Variants in PKP4 observed in about 807,000 individuals in gnomAD.
PKP4 encodes the protein plakophilin 4.
A neutral mutation model predicts 145.1 loss-of-function variants in PKP4; 90 were observed. The ratio of observed to expected loss-of-function variants is 0.62; its 90% CI spans 0.52 to 0.74. The LOEUF is 0.74. Ranked by LOEUF, PKP4 falls within the 30% of genes least tolerant of loss-of-function variation. The pLI is 0.00. For missense variants in PKP4, 1,340 were observed against 1,482.7 expected (o/e 0.90, Z 1.58); for synonymous variants, 563 against 577.2 (o/e 0.98, Z 0.35).
intron 2 of PKP4, among the ~76,000 whole-genome samples, chr2:158,564,240 C>T (rs1225281864): frequency 6.6e-6 from 1 of 151,976 alleles, no homozygotes; most frequent in Non-Finnish European, 1.5e-5. Context: ...TCAAACAAAC[C>T]TATGTAGGCT....
chr2:158,498,810 GAGTGT>G (rs1405930207), intron 1 of PKP4, among the ~76,000 whole-genome samples: 6 of 143,976 alleles, frequency 4.2e-5, no homozygotes, highest in Non-Finnish European at 9.0e-5. Flanking sequence ...GGTGGGTTGT[GAGTGT>G]TTTTTTTTTT....
chr2:158,515,714 A>G (rs2041883964), intron 1 of PKP4, among the ~76,000 whole-genome samples: 1 of 152,196 alleles, frequency 6.6e-6, no homozygotes, highest in Non-Finnish European at 1.5e-5. Context: ...GGATTTCCCA[A>G]AGTATGTTCC....
chr2:158,620,877 G>A, intron 4 of PKP4, 113 bp from the exon 5 acceptor site: 1 of 812,990 alleles, frequency 1.2e-6, no homozygotes, highest in Non-Finnish European at 2.0e-6. Flanking sequence ...GAAAATAATA[G>A]CCTTGTATTA....
intron 2 of PKP4, among the ~76,000 whole-genome samples, chr2:158,570,447 C>T (rs2047323497): frequency 6.6e-6 from 1 of 152,174 alleles, no homozygotes; most frequent in Non-Finnish European, 1.5e-5. Context: ...AAAATCTAGT[C>T]AGTGATAATT....
At chr2:158,565,427 C>A in intron 2 of PKP4, among the ~76,000 whole-genome samples, 1 of 94,110 alleles carries the variant, frequency 1.1e-5, no homozygotes, top group Admixed American at 1.4e-4. Flanking sequence ...TTTTCTTCTT[C>A]TTTTTTCCTT....
At chr2:158,640,397 T>C (rs1181416888) in intron 9 of PKP4, among the ~76,000 whole-genome samples, 2 of 152,254 alleles carry the variant, frequency 1.3e-5, no homozygotes, top group Non-Finnish European at 2.9e-5. Context: ...TTTGTTCCCC[T>C]GAATCTCTTT....
At chr2:158,571,738 A>G (rs1320953252) in intron 2 of PKP4, among the ~76,000 whole-genome samples, 1 of 152,174 alleles carries the variant, frequency 6.6e-6, no homozygotes, top group Admixed American at 6.5e-5. Flanking sequence ...CACTATGGCC[A>G]TCAGTGAGGA....
Position 158,645,279 on chromosome 2 carries a change from C to T in PKP4, c.1909+2580C>T, listed in dbSNP as rs1337190115. Among the ~76,000 whole-genome samples, 5 of 152,066 alleles carry T rather than the reference C, an allele frequency of 3.3e-5. No individual in the cohort carries two copies. The East Asian group carries it at 7.7e-4, about 23-fold the overall frequency. Reference sequence around the variant, plus strand: ...AACAAATTATAATTATTTTTGTTTACGTGTACATGTAGATATAAAATGAAA... The same window carrying T: ...AACAAATTATAATTATTTTTGTTTATGTGTACATGTAGATATAAAATGAAA... On this transcript the variant is annotated intron_variant, in intron 11 of 21. Transcript: ENST00000389759.
At chr2:158,671,767 G>A (rs984102283) in intron 17 of PKP4, among the ~76,000 whole-genome samples, 4 of 152,244 alleles carry the variant, frequency 2.6e-5, no homozygotes, top group Admixed American at 6.5e-5. Flanking sequence ...GAACAGAAAC[G>A]CGTGGAGCGT....
chr2:158,479,166 AT>A (rs1692958757), intron 1 of PKP4, among the ~76,000 whole-genome samples: 1 of 152,108 alleles, frequency 6.6e-6, no homozygotes, highest in Non-Finnish European at 1.5e-5. Flanking sequence ...AACAATTTAG[AT>A]ATTAAACATT....
At chr2:158,675,876 G>T (rs1005176713) in intron 19 of PKP4, among the ~76,000 whole-genome samples, 1 of 152,152 alleles carries the variant, frequency 6.6e-6, no homozygotes, top group Admixed American at 6.5e-5. Flanking sequence ...AGGTTTGGGG[G>T]GCTGTTGCTT....
chr2:158,480,406 T>G (rs1367126600), intron 1 of PKP4, among the ~76,000 whole-genome samples: 1 of 151,994 alleles, frequency 6.6e-6, no homozygotes, highest in Non-Finnish European at 1.5e-5. Flanking sequence ...CCAGCTAATT[T>G]TTGTATTTTT....
intron 2 of PKP4, among the ~76,000 whole-genome samples, chr2:158,538,277 G>A (rs910559217): frequency 3.9e-5 from 6 of 152,100 alleles, no homozygotes; most frequent in Non-Finnish European, 7.3e-5. Context: ...ATTATCAAGT[G>A]GTAGAATACA....
At chr2:158,493,305 A>T (rs891817870) in intron 1 of PKP4, among the ~76,000 whole-genome samples, 1 of 152,120 alleles carries the variant, frequency 6.6e-6, no homozygotes, top group African/African-American at 2.4e-5. Context: ...TTGACTATAT[A>T]TATCATTCAC....
chr2:158,588,924 T>C (rs1329717047), intron 3 of PKP4: 1 of 152,192 alleles, frequency 6.6e-6, no homozygotes, highest in Non-Finnish European at 1.5e-5. Flanking sequence ...TTGCCTTCTA[T>C]CAGCAAGAGA....
chr2:158,575,793 C>CAA (rs201844281), intron 2 of PKP4, among the ~76,000 whole-genome samples: 1 of 144,506 alleles, frequency 6.9e-6, no homozygotes, highest in Non-Finnish European at 1.5e-5. Context: ...AAGTCTATAA[C>CAA]AAAAAAAACA....
chr2:158,639,827 C>T (rs938434280), intron 9 of PKP4, among the ~76,000 whole-genome samples: 3 of 152,160 alleles, frequency 2.0e-5, no homozygotes, highest in African/African-American at 7.2e-5. Context: ...GGTACCGCTT[C>T]GCAGTTTACA....
chr2:158,481,644 A>G (rs1693370141), intron 1 of PKP4, among the ~76,000 whole-genome samples: 1 of 152,208 alleles, frequency 6.6e-6, no homozygotes, highest in Admixed American at 6.5e-5. Flanking sequence ...GACTAGATAC[A>G]TTTGAGTATC....
At chr2:158,653,825 A>G (rs566178506) in intron 11 of PKP4, among the ~76,000 whole-genome samples, 5 of 152,272 alleles carry the variant, frequency 3.3e-5, no homozygotes, top group African/African-American at 1.2e-4. Flanking sequence ...ACAGCTCTTC[A>G]TTTTCTCATC....
Sources: gnomAD v4.1 joint callset for allele counts (sites outside exome capture counted in the v4.1 genomes callset) on GRCh38, gnomAD v4.1.1 for gene constraint, MANE v1.5 for transcripts, NCBI Gene and HGNC (gene_info 2026-07-23, HGNC 2026-07-21) for gene names.